The following PAPSS1 variants were observed in gnomAD, a reference collection of about 807,000 sequenced individuals.
PAPSS1 encodes 3'-phosphoadenosine 5'-phosphosulfate synthase 1, also known as bifunctional 3'-phosphoadenosine 5'-phosphosulfate synthase 1.
Under a neutral mutation model 72.0 loss-of-function variants are expected in PAPSS1, and 50 were observed. That is an observed-to-expected ratio of 0.69 (90% CI 0.55 to 0.88). The LOEUF is 0.88. Among genes scored for constraint, PAPSS1 ranks in the 40% least tolerant of loss-of-function variants. PAPSS1 has a pLI of 0.00. For synonymous variants in PAPSS1, 261 were observed against 263.6 expected (o/e 0.99, Z 0.09); for missense variants, 657 against 782.2 (o/e 0.84, Z 1.91).
At chr4:107,662,710 A>T (rs1278609708) in intron 5 of PAPSS1, among the ~76,000 whole-genome samples, 2 of 152,176 alleles carry the variant, frequency 1.3e-5, no homozygotes, top group African/African-American at 4.8e-5. Context: ...CAGTAAAAAG[A>T]ATCTGGGAGA....
At chr4:107,717,125 G>C (rs912790631) in intron 1 of PAPSS1, among the ~76,000 whole-genome samples, 1 of 151,648 alleles carries the variant, frequency 6.6e-6, no homozygotes, top group Non-Finnish European at 1.5e-5. Context: ...TATTAATTAT[G>C]ATAGTGTTGA....
intron 5 of PAPSS1, among the ~76,000 whole-genome samples, chr4:107,675,555 C>T (rs55886752): frequency 0.037 from 5,705 of 152,180 alleles, 162 homozygotes; most frequent in Middle Eastern, 0.068. Flanking sequence ...AACTTACCAA[C>T]CAAAAAAGTC....
rs769793840 is a variant in PAPSS1 at position 107,631,716 on chromosome 4, C to T, written c.1651G>A (p.Gly551Ser). The T allele has an allele frequency of 1.9e-6, 3 of 1,614,084 alleles. No individual in the cohort carries two copies. Among genetic ancestry groups the T allele is most frequent in the Non-Finnish European group, 2.5e-6 (3 of 1,179,990 alleles). The change falls in exon 11 of 12, where the codon GGT (glycine) becomes AGT (serine). Residue 551 changes from glycine to serine, a missense_variant. Coordinates refer to ENST00000265174, the MANE Select transcript of PAPSS1 (RefSeq NM_005443.5). ...HGAKVLTMAP[G>S]LITLEIVPFR... ...GGAACTATTTCCAAAGTGATTAAACCAGGGGCCATCGTCAGCACTTTGGCA... is the reference window on the plus strand; with the variant it reads ...GGAACTATTTCCAAAGTGATTAAACTAGGGGCCATCGTCAGCACTTTGGCA...
rs543636284 is a variant in PAPSS1, at chr4:107,674,946, T to C, written c.669+7069A>G. ...TCCTGAACGACTATTGGGTACATAA[T>C]GAAATGAAGGCAGAAATAAAGATGT... On this transcript the variant is annotated intron_variant, in intron 5 of 11. Coordinates refer to ENST00000265174, the MANE Select transcript of PAPSS1 (RefSeq NM_005443.5). 6.6e-5 allele frequency among the ~76,000 whole-genome samples: 10 copies of C among 152,190 alleles called. 1 individual carries two copies. The South Asian group carries it at 1.9e-3, about 28-fold the overall frequency.
intron 11 of PAPSS1, among the ~76,000 whole-genome samples, chr4:107,625,473 T>C (rs1171800808): frequency 2.0e-5 from 3 of 152,142 alleles, no homozygotes; most frequent in African/African-American, 7.2e-5. Context: ...AAGTGGCCTC[T>C]AGGAGCAGAC....
At chr4:107,707,488 G>A (rs1011748607) in intron 1 of PAPSS1, among the ~76,000 whole-genome samples, 5 of 152,204 alleles carry the variant, frequency 3.3e-5, no homozygotes, top group African/African-American at 4.8e-5. Context: ...CCATCCTGGA[G>A]TCTGGGGCTA....
At chr4:107,634,961 C>CT (rs2110304857) in intron 10 of PAPSS1, among the ~76,000 whole-genome samples, 1 of 151,230 alleles carries the variant, frequency 6.6e-6, no homozygotes, top group Admixed American at 6.6e-5. Context: ...CCACGCCCAG[C>CT]TAATTTTTTT....
chr4:107,649,632 T>C (rs10516544), intron 9 of PAPSS1, among the ~76,000 whole-genome samples: 5,091 of 152,292 alleles, frequency 0.033, 267 homozygotes, highest in African/African-American at 0.12. Context: ...GAGCCAAACA[T>C]AGATCTGCTT....
intron 10 of PAPSS1, among the ~76,000 whole-genome samples, 183 bp downstream of exon 10, chr4:107,644,618 TC>T (rs1726643008): frequency 6.6e-6 from 1 of 152,150 alleles, no homozygotes. Flanking sequence ...TCCCCACCTT[TC>T]CTTTCTCAAG....
intron 1 of PAPSS1, among the ~76,000 whole-genome samples, chr4:107,709,240 A>T (rs985868578): frequency 1.3e-5 from 2 of 152,246 alleles, no homozygotes; most frequent in African/African-American, 4.8e-5. Flanking sequence ...TTCAAAGTAA[A>T]TCAAAGAGCA....
chr4:107,640,538 A>G (rs1368176635), intron 10 of PAPSS1, among the ~76,000 whole-genome samples: 1 of 152,090 alleles, frequency 6.6e-6, no homozygotes, highest in Admixed American at 6.5e-5. Flanking sequence ...ATGTCACTGG[A>G]AAAGCTACAA....
intron 11 of PAPSS1, among the ~76,000 whole-genome samples, chr4:107,630,535 C>G (rs1203655886): frequency 1.3e-5 from 2 of 152,206 alleles, no homozygotes; most frequent in Admixed American, 6.5e-5. Flanking sequence ...CCATGCAGAA[C>G]CGTGAGTCAA....
Position 107,614,265 on chromosome 4 carries a change from G to T in PAPSS1, c.1859C>A (p.Ser620Tyr). 1.2e-6 allele frequency: 2 copies of T among 1,613,642 alleles called. No individual in the cohort carries two copies. Among genetic ancestry groups the T allele is most frequent in the Non-Finnish European group, 1.7e-6 (2 of 1,179,740 alleles). ...GTTAACAGCCTAAGCTTTCTCCAAG[G>T]ATTTGTAGTATTCTGTCAGCACGGT... is the stretch of plus-strand genomic sequence containing the variant. Reference protein sequence around the residue: ...AWTVLTEYYKSLEKA With the variant: ...AWTVLTEYYKYLEKA The change falls in exon 12 of 12, where the codon TCC becomes TAC. Residue 620 changes from serine (S) to tyrosine (Y), a missense_variant. Around this residue, in one of 7 missense-constraint regions of PAPSS1, gnomAD observed 103 missense variants for 93.8 expected, o/e 1.10. Coordinates refer to ENST00000265174, the MANE Select transcript of PAPSS1 (RefSeq NM_005443.5).
chr4:107,664,486 C>T (rs1270730098), intron 5 of PAPSS1, among the ~76,000 whole-genome samples: 1 of 152,152 alleles, frequency 6.6e-6, no homozygotes, highest in East Asian at 1.9e-4. Context: ...TGCAATGCTC[C>T]AGGCACAGGG....
intron 9 of PAPSS1, among the ~76,000 whole-genome samples, chr4:107,652,092 TCTG>T (rs1413894243): frequency 6.6e-6 from 1 of 152,180 alleles, no homozygotes; most frequent in Non-Finnish European, 1.5e-5. Flanking sequence ...AACGAGGGCC[TCTG>T]GTTCACAAAC....
intron 2 of PAPSS1, among the ~76,000 whole-genome samples, chr4:107,694,951 T>TA (rs34374895): frequency 1.0e-4 from 15 of 150,380 alleles, no homozygotes; most frequent in African/African-American, 3.4e-4. Flanking sequence ...CTAACTGGAA[T>TA]AAAAAAAAAA....
At chr4:107,705,272 G>A (rs542135805) in intron 1 of PAPSS1, among the ~76,000 whole-genome samples, 172 of 152,298 alleles carry the variant, frequency 1.1e-3, no homozygotes, top group African/African-American at 4.0e-3. Context: ...ATCTCATCTC[G>A]AACTGTAATC....
At chr4:107,686,150 T>C (rs1026085528) in intron 4 of PAPSS1, among the ~76,000 whole-genome samples, 3 of 152,198 alleles carry the variant, frequency 2.0e-5, no homozygotes, top group Middle Eastern at 3.2e-3. Context: ...AATGTCTAAA[T>C]GTCCATCACA....
At chr4:107,704,212 T>C (rs1309112828) in intron 1 of PAPSS1, among the ~76,000 whole-genome samples, 1 of 152,278 alleles carries the variant, frequency 6.6e-6, no homozygotes. Flanking sequence ...GCAACTTTAC[T>C]AAATTTATTT....
Sources: allele counts gnomAD v4.1 joint callset (sites outside exome capture counted in the v4.1 genomes callset), GRCh38; gene constraint gnomAD v4.1.1; regional missense constraint gnomAD v4.1.1; transcripts MANE v1.5; gene names NCBI Gene and HGNC (gene_info 2026-07-23, HGNC 2026-07-21).